ZNF892: variants seen among roughly 807,000 people sequenced by gnomAD.
ZNF892 encodes zinc finger protein 570-like.
the ZNF892 span, among the ~76,000 whole-genome samples, chr2:95,260,643 T>G: frequency 6.6e-6 from 1 of 152,162 alleles, no homozygotes; most frequent in Non-Finnish European, 1.5e-5. Flanking sequence ...TCTCCTGGGT[T>G]CTCATCCTCT....
the ZNF892 span, among the ~76,000 whole-genome samples, chr2:95,208,411 AT>A: frequency 6.6e-6 from 1 of 152,228 alleles, no homozygotes; most frequent in Admixed American, 6.5e-5. Context: ...CAATATAAAA[AT>A]ATGTTTAATT....
At chr2:95,246,335 A>G in the ZNF892 span, among the ~76,000 whole-genome samples, 1 of 152,226 alleles carries the variant, frequency 6.6e-6, no homozygotes, top group East Asian at 1.9e-4. Context: ...AAAAATTCTC[A>G]ATAAACTAGG....
chr2:95,233,615 G>A, the ZNF892 span, among the ~76,000 whole-genome samples: 1 of 141,548 alleles, frequency 7.1e-6, no homozygotes, highest in Non-Finnish European at 1.5e-5. Flanking sequence ...GGAGCTTGCA[G>A]TGAGCTGAGA....
chr2:95,215,196 C>T, the ZNF892 span: 1 of 454,020 alleles, frequency 2.2e-6, no homozygotes, highest in Non-Finnish European at 3.9e-6. Flanking sequence ...TGGGGAGCGG[C>T]CATATGAGTG....
At chr2:95,229,397 A>G in the ZNF892 span, among the ~76,000 whole-genome samples, 10 of 152,242 alleles carry the variant, frequency 6.6e-5, no homozygotes, top group Non-Finnish European at 1.0e-4. Context: ...ATTCTGCTGG[A>G]AGGCTCCTCC....
chr2:95,250,935 TTATG>T, the ZNF892 span, among the ~76,000 whole-genome samples: 1 of 148,152 alleles, frequency 6.7e-6, no homozygotes, highest in African/African-American at 2.4e-5. Flanking sequence ...ATATAAGCAT[TTATG>T]TATTTATAAA....
At chr2:95,209,671 G>A in the ZNF892 span, among the ~76,000 whole-genome samples, 1 of 152,114 alleles carries the variant, frequency 6.6e-6, no homozygotes, top group African/African-American at 2.4e-5. Context: ...TTGGTAGATC[G>A]CTTTCAGAAA....
At chr2:95,224,695 G>T in the ZNF892 span, among the ~76,000 whole-genome samples, 12 of 152,288 alleles carry the variant, frequency 7.9e-5, no homozygotes, top group Admixed American at 5.9e-4. Context: ...TTTGGGCAGG[G>T]CCACAGACCC....
chr2:95,257,250 T>C, the ZNF892 span, among the ~76,000 whole-genome samples: 1 of 152,188 alleles, frequency 6.6e-6, no homozygotes, highest in African/African-American at 2.4e-5. Context: ...GGGGTTTTGG[T>C]GTGGATGTCT....
At chr2:95,235,361 CTTTTTTTTT>C in the ZNF892 span, among the ~76,000 whole-genome samples, 1 of 132,108 alleles carries the variant, frequency 7.6e-6, no homozygotes, top group Non-Finnish European at 1.6e-5. Context: ...TTCCAGTAAA[CTTTTTTTTT>C]TTTTTTTTTT....
At chr2:95,212,236 T>C in the ZNF892 span, 1 of 398,374 alleles carries the variant, frequency 2.5e-6, no homozygotes, top group African/African-American at 2.1e-5. Flanking sequence ...AGTTGGAGCA[T>C]GAGGAAGAGC....
the ZNF892 span, chr2:95,207,714 C>T: frequency 1.5e-5 from 6 of 398,046 alleles, no homozygotes; most frequent in East Asian, 1.1e-4. Context: ...GCCAGGCTGC[C>T]CACGCGTGCG....
the ZNF892 span, among the ~76,000 whole-genome samples, chr2:95,217,906 G>A: frequency 1.3e-5 from 2 of 152,118 alleles, no homozygotes; most frequent in Non-Finnish European, 2.9e-5. Flanking sequence ...GAAACAGGAG[G>A]CATCCCCAAT....
At chr2:95,242,602 C>G in the ZNF892 span, among the ~76,000 whole-genome samples, 14 of 152,268 alleles carry the variant, frequency 9.2e-5, no homozygotes, top group East Asian at 1.9e-3. Context: ...GCAATATAAC[C>G]AGCTAGCATC....
At chr2:95,262,109 C>G in the ZNF892 span, among the ~76,000 whole-genome samples, 1 of 152,202 alleles carries the variant, frequency 6.6e-6, no homozygotes, top group Non-Finnish European at 1.5e-5. Context: ...TTCTTCAGTA[C>G]TATGTCATTT....
chr2:95,252,069 T>C, the ZNF892 span, among the ~76,000 whole-genome samples: 1 of 152,354 alleles, frequency 6.6e-6, no homozygotes, highest in South Asian at 2.1e-4. Flanking sequence ...GATTTCTCAG[T>C]GAGGCAAATT....
chr2:95,261,296 C>A, the ZNF892 span, among the ~76,000 whole-genome samples: 9 of 141,570 alleles, frequency 6.4e-5, no homozygotes, highest in East Asian at 1.6e-3. Flanking sequence ...TTACACAATT[C>A]TTTTTTTTTT....
the ZNF892 span, among the ~76,000 whole-genome samples, chr2:95,249,227 ATATATTTTTTTT>A: frequency 7.6e-5 from 5 of 65,646 alleles, no homozygotes; most frequent in Non-Finnish European, 1.3e-4. Flanking sequence ...ATATATATAT[ATATATTTTTTTT>A]TTTTTTTTTT....
the ZNF892 span, chr2:95,207,616 C>G: frequency 2.6e-6 from 1 of 391,080 alleles, no homozygotes; most frequent in Non-Finnish European, 4.5e-6. Context: ...GGCTGGAGGT[C>G]GAACCCAGGG....
Sources: allele counts gnomAD v4.1 joint callset (sites outside exome capture counted in the v4.1 genomes callset), GRCh38; gene constraint gnomAD v4.1.1; transcripts MANE v1.5; gene names NCBI Gene and HGNC (gene_info 2026-07-23, HGNC 2026-07-21).